The following DPH6 variants were observed in gnomAD, a reference collection of about 807,000 sequenced individuals.
DPH6 encodes the protein diphthine--ammonia ligase.
A neutral mutation model predicts 38.2 loss-of-function variants in DPH6; 33 were observed. That is an observed-to-expected ratio of 0.86 (90% CI 0.65 to 1.15). The LOEUF (loss-of-function observed/expected upper bound fraction) is 1.15, where lower values mean the gene tolerates loss of function less well. Among genes scored for constraint, DPH6 ranks in the 50% most tolerant of loss-of-function variants. DPH6 has a pLI of 0.00. For synonymous variants in DPH6, 108 were observed against 103.0 expected (o/e 1.05, Z -0.30); for missense variants, 325 against 320.0 (o/e 1.02, Z -0.12).
At chr15:35,221,357 G>C (rs1180572458) in intron 3 of DPH6, among the ~76,000 whole-genome samples, 1 of 152,126 alleles carries the variant, frequency 6.6e-6, no homozygotes, top group African/African-American at 2.4e-5. Context: ...GGGACTTTCT[G>C]CAGAGGCCGC....
rs1285160066 is a variant in DPH6, at chr15:35,371,054, A to G, written c.*1096T>C. ...CATGACAAGATACAGAGAAACCTAA[A>G]TGCATATTAATACATGAAAGAAGCC... On this transcript the variant is annotated 3_prime_UTR_variant, in exon 9 of 9. Coordinates refer to ENST00000256538, the MANE Select transcript of DPH6 (RefSeq NM_080650.4). 3 of 151,716 alleles carry G rather than the reference A, an allele frequency of 2.0e-5. No individual in the cohort carries two copies. Among genetic ancestry groups the G allele is most frequent in the Admixed American group, 2.0e-4 (3 of 15,180 alleles). 9.4% of individuals were successfully genotyped at this position (151,716 alleles called of 1,614,324 possible).
At chr15:35,503,063 G>C (rs1243222875) in intron 3 of DPH6, among the ~76,000 whole-genome samples, 2 of 151,314 alleles carry the variant, frequency 1.3e-5, no homozygotes, top group Non-Finnish European at 2.9e-5. Context: ...TTGAACAGCT[G>C]TATTTATTTA....
chr15:35,249,131 G>C (rs533011968), intron 3 of DPH6, among the ~76,000 whole-genome samples: 1 of 148,794 alleles, frequency 6.7e-6, no homozygotes, highest in Non-Finnish European at 1.5e-5. Context: ...TTAATATAGC[G>C]GCTGGACACA....
chr15:35,164,530 G>A, the DPH6 span, among the ~76,000 whole-genome samples: 7 of 151,362 alleles, frequency 4.6e-5, no homozygotes, highest in African/African-American at 1.7e-4. Context: ...GTCAGCAACT[G>A]TTTATTTTTT....
chr15:35,402,204 A>T (rs1333313687), intron 6 of DPH6, among the ~76,000 whole-genome samples: 1 of 152,178 alleles, frequency 6.6e-6, no homozygotes, highest in African/African-American at 2.4e-5. Flanking sequence ...GCCAGGTTCT[A>T]TTTGGAATTT....
chr15:35,419,889 G>C (rs149778310), intron 5 of DPH6, among the ~76,000 whole-genome samples: 315 of 152,214 alleles, frequency 2.1e-3, no homozygotes, highest in African/African-American at 7.2e-3. Context: ...CTTCCAGACA[G>C]AAAATCAATA....
At chr15:35,302,046 T>C (rs2140805508) in intron 3 of DPH6, among the ~76,000 whole-genome samples, 1 of 152,262 alleles carries the variant, frequency 6.6e-6, no homozygotes, top group South Asian at 2.1e-4. Context: ...ATACATAAAA[T>C]ACATATATAG....
At chr15:35,521,642 T>A (rs2054924220) in intron 3 of DPH6, 2 of 1,230,440 alleles carry the variant, frequency 1.6e-6, no homozygotes, top group Admixed American at 4.2e-5. Context: ...AATGTATTTT[T>A]AATATGCAGG....
At chr15:35,307,040 C>A (rs2052097826) in intron 3 of DPH6, among the ~76,000 whole-genome samples, 1 of 151,840 alleles carries the variant, frequency 6.6e-6, no homozygotes, top group African/African-American at 2.4e-5. Context: ...TATGACTGTG[C>A]ACAGTACAAT....
chr15:35,440,907 T>C (rs1029601821), intron 5 of DPH6, among the ~76,000 whole-genome samples: 3 of 152,164 alleles, frequency 2.0e-5, no homozygotes, highest in African/African-American at 7.2e-5. Flanking sequence ...AATCTATCCA[T>C]CTGACAAAGG....
At chr15:35,282,250 C>T (rs776734647) in intron 3 of DPH6, among the ~76,000 whole-genome samples, 1 of 152,172 alleles carries the variant, frequency 6.6e-6, no homozygotes, top group East Asian at 1.9e-4. Flanking sequence ...TAGCTCACTA[C>T]AGCCTGGAAC....
intron 3 of DPH6, among the ~76,000 whole-genome samples, chr15:35,479,890 T>C (rs2054306538): frequency 6.6e-6 from 1 of 152,128 alleles, no homozygotes; most frequent in Admixed American, 6.6e-5. Context: ...GATTAGACAA[T>C]ATAATTACAA....
chr15:35,486,399 G>A (rs1320666136), intron 3 of DPH6, among the ~76,000 whole-genome samples: 2 of 152,094 alleles, frequency 1.3e-5, no homozygotes, highest in Non-Finnish European at 2.9e-5. Context: ...CTGATTCACA[G>A]GTCTGCATGG....
chr15:35,467,120 AC>A (rs2054136362), intron 3 of DPH6, among the ~76,000 whole-genome samples: 1 of 152,334 alleles, frequency 6.6e-6, no homozygotes, highest in South Asian at 2.1e-4. Flanking sequence ...TTACTAATTA[AC>A]TTTTTAATCT....
At chr15:35,313,983 G>A (rs1358604997) in intron 3 of DPH6, among the ~76,000 whole-genome samples, 1 of 151,566 alleles carries the variant, frequency 6.6e-6, no homozygotes, top group Non-Finnish European at 1.5e-5. Flanking sequence ...GCACAGCAAA[G>A]ACAACAATCA....
At chr15:35,515,722 G>GA (rs61568573) in intron 3 of DPH6, among the ~76,000 whole-genome samples, 45,716 of 77,866 alleles carry the variant, frequency 0.59, 14,529 homozygotes, top group South Asian at 0.76. Flanking sequence ...CTCCGTCTCA[G>GA]AAAAAAAAAA....
chr15:35,180,502 T>G, the DPH6 span, among the ~76,000 whole-genome samples: 23 of 152,184 alleles, frequency 1.5e-4, no homozygotes, highest in Non-Finnish European at 3.2e-4. Context: ...CCTACTTTGC[T>G]TACTTGCCCA....
At chr15:35,386,047 C>T (rs149725034) in intron 6 of DPH6, among the ~76,000 whole-genome samples, 1 of 152,042 alleles carries the variant, frequency 6.6e-6, no homozygotes, top group Non-Finnish European at 1.5e-5. Flanking sequence ...CTTCCTGTGT[C>T]CATGTGTTCT....
chr15:35,209,832 T>A, the DPH6 span, among the ~76,000 whole-genome samples: 5,399 of 152,250 alleles, frequency 0.035, 323 homozygotes, highest in African/African-American at 0.12. Context: ...GTTCAAACCC[T>A]TATGAAGTGC....
Sources: gnomAD v4.1 joint callset for allele counts (sites outside exome capture counted in the v4.1 genomes callset) on GRCh38, gnomAD v4.1.1 for gene constraint, MANE v1.5 for transcripts, NCBI Gene and HGNC (gene_info 2026-07-23, HGNC 2026-07-21) for gene names.